The following CPM variants were observed in gnomAD, a reference collection of about 807,000 sequenced individuals.
The protein encoded by CPM is renal carboxypeptidase.
Under a neutral mutation model 46.4 loss-of-function variants are expected in CPM, and 35 were observed. The observed-to-expected ratio is 0.75, with a 90% CI of 0.58 to 1.00. CPM has a LOEUF of 1.00. Among genes scored for constraint, CPM ranks in the 50% least tolerant of loss-of-function variants. CPM has a pLI of 0.00. For missense variants in CPM, 422 were observed against 530.4 expected (o/e 0.80, Z 2.01); for synonymous variants, 195 against 195.3 (o/e 1.00, Z 0.01).
At chr12:68,873,880 A>G (rs959521727) in intron 3 of CPM, among the ~76,000 whole-genome samples, 3 of 151,642 alleles carry the variant, frequency 2.0e-5, no homozygotes, top group African/African-American at 7.3e-5. Context: ...ATGTTGGCTC[A>G]CTACAACCTC....
intron 1 of CPM, among the ~76,000 whole-genome samples, chr12:68,959,796 C>A (rs1042689519): frequency 6.6e-6 from 1 of 152,200 alleles, no homozygotes; most frequent in African/African-American, 2.4e-5. Flanking sequence ...AAACCTGATG[C>A]TATGGTAATT....
intron 3 of CPM, among the ~76,000 whole-genome samples, chr12:68,881,090 C>T (rs566945031): frequency 2.0e-5 from 3 of 152,248 alleles, no homozygotes; most frequent in African/African-American, 4.8e-5. Flanking sequence ...TTTTGCTACC[C>T]GGAGTTTGCT....
At chr12:68,866,596 G>A (rs1239577243) in intron 7 of CPM, among the ~76,000 whole-genome samples, 7 of 151,988 alleles carry the variant, frequency 4.6e-5, no homozygotes, top group African/African-American at 7.3e-5. Flanking sequence ...CACCTGCCTC[G>A]GCCTCCCAAA....
chr12:68,928,589 T>C (rs1888368328), intron 2 of CPM, among the ~76,000 whole-genome samples: 1 of 152,236 alleles, frequency 6.6e-6, no homozygotes, highest in Non-Finnish European at 1.5e-5. Flanking sequence ...AACTATTTAC[T>C]ACATGGAAAG....
chr12:68,928,650 T>C (rs1888370845), intron 2 of CPM, among the ~76,000 whole-genome samples: 1 of 152,182 alleles, frequency 6.6e-6, no homozygotes, highest in South Asian at 2.1e-4. Flanking sequence ...AAATCTCTAA[T>C]AGTATTATCA....
At chr12:68,924,420 G>A (rs1888169936) in intron 2 of CPM, among the ~76,000 whole-genome samples, 1 of 151,258 alleles carries the variant, frequency 6.6e-6, no homozygotes, top group African/African-American at 2.4e-5. Flanking sequence ...CCAGGAGGCG[G>A]AGTGAGCCGA....
chr12:68,925,137 C>T (rs1189327901), intron 2 of CPM, among the ~76,000 whole-genome samples: 1 of 152,116 alleles, frequency 6.6e-6, no homozygotes, highest in African/African-American at 2.4e-5. Flanking sequence ...TGATTTATGA[C>T]TAGTGTAAGT....
Position 68,870,209 on chromosome 12 carries a change from G to A in CPM, c.616+6C>T, listed in dbSNP as rs1160996362. The stretch of plus-strand genomic sequence containing the variant: ...AGAAGCCAGAACTGGACCCGCACCT[G>A]CTTACCTTGAACACCATTATCAAAT... On this transcript the variant is annotated splice_donor_region_variant and intron_variant, in intron 5 of 8. Transcript: ENST00000551568. 2 of 1,611,622 alleles carry A rather than the reference G, an allele frequency of 1.2e-6. No individual in the cohort carries two copies. Among genetic ancestry groups the A allele is most frequent in the East Asian group, 4.5e-5 (2 of 44,856 alleles).
At chr12:68,916,300 T>C (rs937285) in intron 2 of CPM, among the ~76,000 whole-genome samples, 10,530 of 152,166 alleles carry the variant, frequency 0.069, 770 homozygotes, top group African/African-American at 0.18. Context: ...AAAAAATCAT[T>C]CCTTTCTGTG....
intron 3 of CPM, among the ~76,000 whole-genome samples, chr12:68,872,433 A>C (rs1565773513): frequency 6.6e-6 from 1 of 151,984 alleles, no homozygotes; most frequent in African/African-American, 2.4e-5. Flanking sequence ...TTGTATTTTT[A>C]GTAGAGATGG....
intron 1 of CPM, among the ~76,000 whole-genome samples, chr12:68,945,536 A>G (rs1888832528): frequency 1.3e-5 from 2 of 152,198 alleles, no homozygotes; most frequent in Non-Finnish European, 2.9e-5. Flanking sequence ...CCCCCAAGGT[A>G]AGAGGAGTGA....
chr12:68,896,311 T>C (rs1230936996), intron 2 of CPM, among the ~76,000 whole-genome samples: 1 of 152,186 alleles, frequency 6.6e-6, no homozygotes, highest in Non-Finnish European at 1.5e-5. Context: ...ATGCTTCCTT[T>C]GAACTTTCAT....
At position 68,916,869 on chromosome 12, in the gene CPM, CAG is replaced by C. The variant is rs202083416; in HGVS notation, c.160+15807_160+15808del. Among the ~76,000 whole-genome samples the C allele has an allele frequency of 6.1e-3, 790 of 129,334 alleles. 12 individuals carry two copies. Among genetic ancestry groups the C allele is most frequent in the African/African-American group, 0.022 (726 of 32,720 alleles). 84.8% of individuals were successfully genotyped at this position (129,334 alleles called of 152,430 possible). A position where few individuals can be genotyped will look rare whatever the true frequency, so the allele number is the denominator to read the frequency against. Reference sequence around the variant, plus strand: ...CACCATTGCACTCCAGCCTGGGTGACAGAGCGAGACTCTTGTCTCAAAAAAAA... The same window carrying C: ...CACCATTGCACTCCAGCCTGGGTGACAGCGAGACTCTTGTCTCAAAAAAAA... On this transcript the variant is annotated intron_variant, in intron 2 of 8. Coordinates refer to ENST00000551568, the MANE Select transcript of CPM (RefSeq NM_198320.5).
At chr12:68,941,197 G>GTGTGTA (rs1565807573) in intron 1 of CPM, among the ~76,000 whole-genome samples, 1 of 151,298 alleles carries the variant, frequency 6.6e-6, no homozygotes, top group African/African-American at 2.4e-5. Context: ...GTGTGTGTGT[G>GTGTGTA]TGTGTGTATA....
At chr12:68,906,135 G>A (rs1887336486) in intron 2 of CPM, among the ~76,000 whole-genome samples, 1 of 152,122 alleles carries the variant, frequency 6.6e-6, no homozygotes, top group Admixed American at 6.6e-5. Context: ...TCATTCTTTT[G>A]CTCTACTTAT....
intron 3 of CPM, among the ~76,000 whole-genome samples, chr12:68,872,935 G>A (rs987392028): frequency 1.3e-5 from 2 of 152,052 alleles, no homozygotes; most frequent in African/African-American, 4.8e-5. Context: ...GGAAACTGAA[G>A]GCCTGTGAGA....
chr12:68,941,359 A>AT (rs981201468), intron 1 of CPM, among the ~76,000 whole-genome samples: 1 of 152,060 alleles, frequency 6.6e-6, no homozygotes, highest in African/African-American at 2.4e-5. Flanking sequence ...CTTATTTTAC[A>AT]TTATTTTGTT....
upstream of CPM, among the ~76,000 whole-genome samples, chr12:68,937,350 G>A (rs972378229): frequency 1.3e-5 from 2 of 152,294 alleles, no homozygotes; most frequent in East Asian, 3.9e-4. Flanking sequence ...CAGACATTTG[G>A]CAATATCTTG....
At chr12:68,949,893 G>A (rs774065361) in intron 1 of CPM, among the ~76,000 whole-genome samples, 5 of 152,160 alleles carry the variant, frequency 3.3e-5, no homozygotes, top group Admixed American at 6.5e-5. Context: ...TTCTCAGACA[G>A]CCTCTCATCT....
Sources: gnomAD v4.1 joint callset for allele counts (sites outside exome capture counted in the v4.1 genomes callset) on GRCh38, gnomAD v4.1.1 for gene constraint, MANE v1.5 for transcripts, NCBI Gene and HGNC (gene_info 2026-07-23, HGNC 2026-07-21) for gene names.